The following RICTOR variants were observed in gnomAD, a reference collection of about 807,000 sequenced individuals.
RICTOR encodes RPTOR independent companion of MTOR complex 2.
RICTOR carries 49 observed loss-of-function variants against 214.9 expected under a neutral mutation model. That is an observed-to-expected ratio of 0.23 (90% CI 0.18 to 0.29). The LOEUF (loss-of-function observed/expected upper bound fraction) is 0.29, where lower values mean the gene tolerates loss of function less well. Ranked by LOEUF, RICTOR falls within the 10% of genes least tolerant of loss-of-function variation. RICTOR has a pLI of 1.00. For synonymous variants in RICTOR, 717 were observed against 711.3 expected (o/e 1.01, Z -0.13); for missense variants, 1,625 against 2,047.0 (o/e 0.79, Z 3.98).
intron 10 of RICTOR, 127 bp downstream of exon 10, chr5:38,975,410 C>G: frequency 1.5e-6 from 1 of 670,472 alleles, no homozygotes; most frequent in Non-Finnish European, 2.6e-6. Context: ...TCCTTTGGTT[C>G]TAATAATAAT....
intron 15 of RICTOR, among the ~76,000 whole-genome samples, chr5:38,965,718 T>A (rs573970815): frequency 2.6e-5 from 4 of 152,012 alleles, no homozygotes; most frequent in Non-Finnish European, 4.4e-5. Context: ...TTCACTGATT[T>A]AAAAAAAGAA....
chr5:39,002,380 G>A (rs1449914429), intron 5 of RICTOR, among the ~76,000 whole-genome samples, 155 bp downstream of exon 5: 1 of 130,432 alleles, frequency 7.7e-6, no homozygotes, highest in Non-Finnish European at 1.7e-5. Flanking sequence ...CTTGTTACTT[G>A]GTTGTGTGTG....
intron 2 of RICTOR, among the ~76,000 whole-genome samples, chr5:39,047,842 T>C (rs1051759172): frequency 1.3e-5 from 2 of 152,304 alleles, no homozygotes; most frequent in African/African-American, 2.4e-5. Flanking sequence ...AGTGAAAATG[T>C]TGCACTCTTT....
chr5:39,039,405 G>C (rs1031433423), intron 2 of RICTOR, among the ~76,000 whole-genome samples: 1 of 152,062 alleles, frequency 6.6e-6, no homozygotes, highest in African/African-American at 2.4e-5. Flanking sequence ...CATAGGCATG[G>C]GCAAAGACTT....
chr5:39,043,845 A>T (rs1757322924), intron 2 of RICTOR, among the ~76,000 whole-genome samples: 1 of 152,188 alleles, frequency 6.6e-6, no homozygotes, highest in African/African-American at 2.4e-5. Flanking sequence ...TAGCACGCTC[A>T]GCCCCCTTGC....
Position 38,942,352 on chromosome 5 carries a change from C to T in RICTOR, c.5079G>A (p.Leu1693=). ...CTATAGGTTGCTTTGGTGGTGTTGC[C>T]AACACAGCCTCTGCTTCTTCATGCA... ...LQMHEEAEAV[L]ATPPKQPIVD... is the part of the protein sequence containing the mutation. The change falls in exon 38 of 38, where the codon TTG becomes TTA. Residue 1693 remains leucine (L), a synonymous_variant. Coordinates refer to ENST00000357387, the MANE Select transcript of RICTOR (RefSeq NM_152756.5). 6.3e-7 allele frequency: 1 copy of T among 1,595,040 alleles called. No individual in the cohort carries two copies. The highest frequency in any genetic ancestry group is 8.6e-7 in the Non-Finnish European group (1 of 1,167,654).
At position 38,953,041 on chromosome 5, in the gene RICTOR, G is replaced by A. The variant is rs141027600; in HGVS notation, c.2841C>T (p.Asn947=). The change falls in exon 29 of 38, where the codon AAC becomes AAT. Residue 947 remains asparagine, a synonymous_variant. Transcript: ENST00000357387. ...NWGLNLLQEE[N]VIPDILKLAK... is the part of the protein sequence containing the mutation. ...CAAGTTTTAGTATATCTGGAATCACGTTTTCTTCCTGTAGCAAATTGAGAC... is the reference window on the plus strand; with the variant it reads ...CAAGTTTTAGTATATCTGGAATCACATTTTCTTCCTGTAGCAAATTGAGAC... The A allele has an allele frequency of 1.6e-5, 25 of 1,609,512 alleles. No homozygotes were observed. The highest frequency in any genetic ancestry group is 6.7e-5 in the Admixed American group (4 of 59,782).
chr5:39,071,686 T>C (rs1386636272), intron 2 of RICTOR, among the ~76,000 whole-genome samples: 2 of 152,220 alleles, frequency 1.3e-5, no homozygotes, highest in African/African-American at 4.8e-5. Flanking sequence ...TTTGACTTTA[T>C]AGTCAACTCT....
At chr5:39,024,844 A>T (rs1755690280) in intron 2 of RICTOR, among the ~76,000 whole-genome samples, 1 of 152,190 alleles carries the variant, frequency 6.6e-6, no homozygotes. Flanking sequence ...TTAAAACCAC[A>T]ATCTTGTTAC....
intron 2 of RICTOR, among the ~76,000 whole-genome samples, chr5:39,028,214 G>A (rs961339790): frequency 6.2e-5 from 7 of 113,670 alleles, no homozygotes; most frequent in East Asian, 5.3e-4. Context: ...ACGGAGTCTC[G>A]CTCTGTCGCC....
intron 6 of RICTOR, among the ~76,000 whole-genome samples, chr5:38,996,005 A>G (rs1382284928): frequency 6.6e-6 from 1 of 152,214 alleles, no homozygotes; most frequent in Non-Finnish European, 1.5e-5. Flanking sequence ...AAAAACAGGG[A>G]ACCCTAGCTA....
Position 38,953,502 on chromosome 5 carries a change from A to G in RICTOR, c.2749T>C (p.Trp917Arg). 1 of 1,504,572 alleles carries G rather than the reference A, an allele frequency of 6.6e-7. No individual in the cohort carries two copies. Among genetic ancestry groups the G allele is most frequent in the Non-Finnish European group, 8.9e-7 (1 of 1,122,376 alleles). The allele number at this position is 1,504,572 out of a possible 1,614,324, so 93.2% of individuals were successfully genotyped here. ...GCTTTCAGTTTTTTAATTTCTTCCC[A>G]CTTATCCAAATCTGGTGTACGAACA... ...RNVRTPDLDK[W>R]EEIKKLKASL... Residue 917 changes from tryptophan to arginine, a missense_variant, in exon 28 of 38, where the codon TGG becomes CGG. Physicochemically the swap from Trp to Arg is moderately radical, Grantham distance 101. Around this residue, in one of 5 missense-constraint regions of RICTOR, gnomAD observed 1,214 missense variants for 1,470.5 expected, o/e 0.83. Coordinates refer to ENST00000357387, the MANE Select transcript of RICTOR (RefSeq NM_152756.5).
At chr5:39,040,397 G>C (rs116027068) in intron 2 of RICTOR, among the ~76,000 whole-genome samples, 6,772 of 151,886 alleles carry the variant, frequency 0.045, 279 homozygotes, top group African/African-American at 0.1. Context: ...AGCACACCAA[G>C]ATGGCACATG....
In RICTOR at chr5:38,941,649, A is replaced by C. The variant is rs1040222401; in HGVS notation, c.*655T>G. ...TGTAATAACACATTGCAACAAAATG[A>C]AGAGTTGGAAAACAAGAATCTTTAT... On this transcript the variant is annotated 3_prime_UTR_variant, in exon 38 of 38. Transcript: ENST00000357387. 1 of 232,332 alleles carries C rather than the reference A, an allele frequency of 4.3e-6. No homozygotes were observed. The highest frequency in any genetic ancestry group is 2.2e-5 in the African/African-American group (1 of 45,314). 14.4% of individuals were successfully genotyped at this position (232,332 alleles called of 1,614,324 possible).
chr5:39,040,418 T>G (rs1757081724), intron 2 of RICTOR, among the ~76,000 whole-genome samples: 1 of 152,086 alleles, frequency 6.6e-6, no homozygotes, highest in Non-Finnish European at 1.5e-5. Context: ...TGTACATATG[T>G]AACAAACCTG....
intron 7 of RICTOR, among the ~76,000 whole-genome samples, chr5:38,990,747 G>GATATATATCATATATATCAT (rs1258528025): frequency 1.3e-4 from 3 of 23,112 alleles, no homozygotes; most frequent in African/African-American, 2.9e-4. Flanking sequence ...ATATATATGA[G>GATATATATCATATATATCAT]ATATATGATA....
chr5:38,961,832 A>G (rs890297668), intron 19 of RICTOR, among the ~76,000 whole-genome samples: 4 of 152,098 alleles, frequency 2.6e-5, no homozygotes, highest in Non-Finnish European at 5.9e-5. Context: ...AGGAGTAAAA[A>G]CATATGGGTG....
intron 3 of RICTOR, among the ~76,000 whole-genome samples, chr5:39,017,507 T>C (rs1755052290): frequency 6.6e-6 from 1 of 151,964 alleles, no homozygotes; most frequent in African/African-American, 2.4e-5. Flanking sequence ...GAAAGCCCGT[T>C]CTCCAGTACC....
At chr5:39,050,535 C>T (rs1757769426) in intron 2 of RICTOR, among the ~76,000 whole-genome samples, 1 of 152,066 alleles carries the variant, frequency 6.6e-6, no homozygotes, top group Non-Finnish European at 1.5e-5. Flanking sequence ...CAAGGTTTCA[C>T]CACGTTTCCC....
Sources: allele counts gnomAD v4.1 joint callset (sites outside exome capture counted in the v4.1 genomes callset), GRCh38; gene constraint gnomAD v4.1.1; regional missense constraint gnomAD v4.1.1; transcripts MANE v1.5; gene names NCBI Gene and HGNC (gene_info 2026-07-23, HGNC 2026-07-21).